The following DRC8 variants were observed in gnomAD, a reference collection of about 807,000 sequenced individuals.
DRC8 encodes dynein regulatory complex subunit 8.
the DRC8 span, among the ~76,000 whole-genome samples, chr1:245,069,475 C>T: frequency 6.6e-6 from 1 of 151,950 alleles, no homozygotes. Flanking sequence ...GAAGAAAATC[C>T]ATGGAGAAGT....
the DRC8 span, among the ~76,000 whole-genome samples, chr1:245,048,317 G>A: frequency 6.6e-6 from 1 of 152,146 alleles, no homozygotes; most frequent in Admixed American, 6.6e-5. Context: ...GAGTGAAAAT[G>A]TTGTAACTAA....
chr1:245,037,679 T>C, the DRC8 span, among the ~76,000 whole-genome samples: 2 of 152,118 alleles, frequency 1.3e-5, no homozygotes, highest in Admixed American at 6.5e-5. Context: ...TGGTAGAAGG[T>C]AGAAAAGATA....
At chr1:245,087,577 T>C in the DRC8 span, 1 of 1,162,066 alleles carries the variant, frequency 8.6e-7, no homozygotes, top group South Asian at 3.0e-5. Context: ...ATTTAAAAAC[T>C]ATTCTTAAAA....
chr1:244,981,526 C>G, the DRC8 span, among the ~76,000 whole-genome samples: 1 of 152,172 alleles, frequency 6.6e-6, no homozygotes, highest in Non-Finnish European at 1.5e-5. Context: ...CTGTTACCCG[C>G]TTTCCACAAG....
the DRC8 span, among the ~76,000 whole-genome samples, chr1:245,119,364 A>G: frequency 1.3e-5 from 2 of 149,652 alleles, no homozygotes; most frequent in African/African-American, 2.5e-5. Flanking sequence ...TTTTCATACT[A>G]AAAGTAACCA....
the DRC8 span, among the ~76,000 whole-genome samples, chr1:245,039,810 A>C: frequency 6.6e-6 from 1 of 152,180 alleles, no homozygotes; most frequent in Non-Finnish European, 1.5e-5. Flanking sequence ...AGATTGAGCC[A>C]GTATATTTTT....
the DRC8 span, among the ~76,000 whole-genome samples, chr1:244,996,454 G>T: frequency 2.0e-5 from 3 of 152,184 alleles, no homozygotes; most frequent in Non-Finnish European, 4.4e-5. Context: ...TTACCAGGAG[G>T]CAGGAATCAC....
chr1:245,013,899 G>T, the DRC8 span, among the ~76,000 whole-genome samples: 2 of 151,802 alleles, frequency 1.3e-5, no homozygotes, highest in Non-Finnish European at 2.9e-5. Flanking sequence ...GGCGGTAGTG[G>T]TGCACACCTG....
the DRC8 span, among the ~76,000 whole-genome samples, chr1:245,050,708 A>G: frequency 1.3e-5 from 2 of 152,086 alleles, no homozygotes; most frequent in African/African-American, 2.4e-5. Flanking sequence ...TTTAATAGCC[A>G]TATTCCTCCA....
At chr1:245,015,726 G>A in the DRC8 span, 4,769 of 209,128 alleles carry the variant, frequency 0.023, 195 homozygotes, top group African/African-American at 0.13. Context: ...AAAAAAAAAA[G>A]AAAGAAAGAA....
the DRC8 span, chr1:245,083,711 C>A: frequency 2.5e-6 from 4 of 1,595,502 alleles, no homozygotes; most frequent in South Asian, 1.1e-5. Context: ...TATTACTTAT[C>A]ACAATGACTT....
chr1:244,970,444 G>A, the DRC8 span: 893 of 1,531,284 alleles, frequency 5.8e-4, 2 homozygotes, highest in East Asian at 5.5e-3. Context: ...GACAGGGAAG[G>A]TAAGGTAGGG....
the DRC8 span, among the ~76,000 whole-genome samples, chr1:245,114,877 C>T: frequency 6.6e-6 from 1 of 152,032 alleles, no homozygotes; most frequent in Non-Finnish European, 1.5e-5. Context: ...AGGCACATGC[C>T]ACCATGCCCA....
the DRC8 span, among the ~76,000 whole-genome samples, chr1:245,008,443 C>T: frequency 6.6e-6 from 1 of 152,198 alleles, no homozygotes; most frequent in South Asian, 2.1e-4. Flanking sequence ...GAGCTTGCTT[C>T]CCAACGTGTT....
chr1:245,021,304 A>C, the DRC8 span, among the ~76,000 whole-genome samples: 1 of 152,150 alleles, frequency 6.6e-6, no homozygotes, highest in African/African-American at 2.4e-5. Flanking sequence ...AAAAGGAGTT[A>C]TCAGACCAAA....
chr1:244,981,729 G>C, the DRC8 span, among the ~76,000 whole-genome samples: 1 of 152,138 alleles, frequency 6.6e-6, no homozygotes, highest in East Asian at 1.9e-4. Context: ...TGCAGTCTTA[G>C]GCGGTCCCTC....
At chr1:245,085,598 A>G in the DRC8 span, among the ~76,000 whole-genome samples, 3 of 152,218 alleles carry the variant, frequency 2.0e-5, no homozygotes, top group East Asian at 5.8e-4. Flanking sequence ...ACTGGGACTA[A>G]ATTGTGGAGT....
the DRC8 span, chr1:245,083,395 C>T: frequency 1.9e-6 from 3 of 1,542,086 alleles, no homozygotes; most frequent in Non-Finnish European, 2.7e-6. Context: ...TATGTAAAGA[C>T]TGCGGTAAAT....
At chr1:245,104,514 A>G in the DRC8 span, among the ~76,000 whole-genome samples, 12 of 151,796 alleles carry the variant, frequency 7.9e-5, no homozygotes, top group African/African-American at 2.2e-4. Context: ...AAAAAAAAAA[A>G]AAAAGAAAAG....
Sources: allele counts gnomAD v4.1 joint callset (sites outside exome capture counted in the v4.1 genomes callset), GRCh38; gene constraint gnomAD v4.1.1; transcripts MANE v1.5; gene names NCBI Gene and HGNC (gene_info 2026-07-23, HGNC 2026-07-21).